SREBF2: variants seen among roughly 807,000 people sequenced by gnomAD.
SREBF2 encodes sterol regulatory element-binding protein 2.
Under a neutral mutation model 113.1 loss-of-function variants are expected in SREBF2, and 55 were observed. The observed-to-expected ratio is 0.49, with a 90% CI of 0.39 to 0.61. The LOEUF (loss-of-function observed/expected upper bound fraction) is 0.61. Ranked by LOEUF, SREBF2 falls within the 20% of genes least tolerant of loss-of-function variation. The pLI, the probability that SREBF2 is intolerant of heterozygous loss-of-function variation, is 0.00. For synonymous variants in SREBF2, 593 were observed against 605.7 expected, an observed-to-expected ratio of 0.98 and a Z score of 0.31; for missense variants, 1,349 against 1,487.4, an observed-to-expected ratio of 0.91 and a Z score of 1.53.
chr22:41,858,351 A>G (rs1197534457), intron 1 of SREBF2, among the ~76,000 whole-genome samples: 1 of 152,232 alleles, frequency 6.6e-6, no homozygotes, highest in African/African-American at 2.4e-5. Context: ...CTTAAGCGTT[A>G]CACAGAAGCC....
chr22:41,835,835 G>C (rs943104884), intron 1 of SREBF2, among the ~76,000 whole-genome samples: 3 of 152,090 alleles, frequency 2.0e-5, no homozygotes, highest in Non-Finnish European at 4.4e-5. Context: ...GTGTTGCCCA[G>C]GCTAGTCTTC....
intron 1 of SREBF2, among the ~76,000 whole-genome samples, chr22:41,846,331 A>T (rs2076876512): frequency 6.6e-6 from 1 of 152,232 alleles, no homozygotes; most frequent in Non-Finnish European, 1.5e-5. Flanking sequence ...CTCCGCCTTC[A>T]TGATCTGTAT....
intron 3 of SREBF2, among the ~76,000 whole-genome samples, chr22:41,869,312 G>A (rs1264869747): frequency 1.3e-5 from 2 of 149,324 alleles, no homozygotes; most frequent in African/African-American, 5.0e-5. Flanking sequence ...GGCCAGGCTG[G>A]CTTGAACTTC....
intron 2 of SREBF2, among the ~76,000 whole-genome samples, chr22:41,867,699 C>G (rs912082101): frequency 6.6e-6 from 1 of 151,886 alleles, no homozygotes; most frequent in Non-Finnish European, 1.5e-5. Context: ...CCCAGCTACT[C>G]GGGAGGCTGA....
chr22:41,861,064 G>A (rs145127037), intron 1 of SREBF2, among the ~76,000 whole-genome samples: 1 of 152,250 alleles, frequency 6.6e-6, no homozygotes, highest in Non-Finnish European at 1.5e-5. Context: ...TTAACCAAAG[G>A]GAACAGGGTG....
intron 10 of SREBF2, 57 bp downstream of exon 10, chr22:41,881,049 C>T: frequency 4.4e-6 from 7 of 1,584,120 alleles, no homozygotes; most frequent in Non-Finnish European, 6.0e-6. Context: ...GCTACCTCTC[C>T]TCCTTAGCTT....
rs371174640 is a variant in SREBF2 at position 41,903,033 on chromosome 22, G to A, written c.2971G>A (p.Ala991Thr). The A allele has an allele frequency of 6.2e-7, 1 of 1,609,590 alleles. No individual in the cohort carries two copies. The highest frequency in any genetic ancestry group is 1.7e-5 in the Admixed American group (1 of 59,690). The change falls in exon 17 of 19, where the codon GCC (alanine) becomes ACC (threonine). Residue 991 changes from alanine to threonine, a missense_variant. Coordinates refer to ENST00000361204, the MANE Select transcript of SREBF2 (RefSeq NM_004599.4). ...SLRTALWQKQ[A>T]SASQAVGETY... is the part of the protein sequence containing the mutation. Reference sequence around the variant, plus strand: ...ACGGACAGCGCTCTGGCAAAAACAGGCCAGTGCCAGCCAGGCTGTGGGGGA... The same window carrying A: ...ACGGACAGCGCTCTGGCAAAAACAGACCAGTGCCAGCCAGGCTGTGGGGGA...
chr22:41,868,785 A>C lies in SREBF2; in HGVS notation c.713A>C (p.Gln238Pro), dbSNP rs144099865. Reference sequence around the variant, plus strand: ...ACAGTTGCTGCGCCACAGGTGCAGCAGGTCCCGGTAAGTGGCTGGAAAGGA... The same window carrying C: ...ACAGTTGCTGCGCCACAGGTGCAGCCGGTCCCGGTAAGTGGCTGGAAAGGA... ...VQTVAAPQVQ[Q>P]VPVLVQPQII... The change falls in exon 3 of 19, where the codon CAG (glutamine) becomes CCG (proline). Residue 238 changes from glutamine to proline, a missense_variant. Physicochemically the swap from Gln to Pro is moderately conservative, Grantham distance 76. Transcript: ENST00000361204. 6.2e-6 allele frequency: 10 copies of C among 1,609,776 alleles called. No individual in the cohort carries two copies. The highest frequency in any genetic ancestry group is 8.5e-6 in the Non-Finnish European group (10 of 1,178,156).
intron 8 of SREBF2, 128 bp downstream of exon 8, chr22:41,877,549 T>A (rs2077208062): frequency 9.1e-7 from 1 of 1,097,936 alleles, no homozygotes; most frequent in East Asian, 2.6e-5. Context: ...CCCCACCTGC[T>A]TGCTTCTGAT....
At chr22:41,879,350 A>G (rs2077225318) in intron 9 of SREBF2, among the ~76,000 whole-genome samples, 2 of 152,248 alleles carry the variant, frequency 1.3e-5, no homozygotes, top group African/African-American at 4.8e-5. Flanking sequence ...TTGCCTGGAA[A>G]AGCTGGAAGA....
At position 41,868,649 on chromosome 22, in the gene SREBF2, C is replaced by G; in HGVS notation, c.577C>G (p.Gln193Glu). The change falls in exon 3 of 19, where the codon CAG becomes GAG. Residue 193 changes from glutamine to glutamate, a missense_variant. By Grantham distance (29) the Gln-to-Glu change is conservative. This residue lies in a region of SREBF2 where 699 missense variants were observed against 843.3 expected (regional missense o/e 0.83). Coordinates refer to ENST00000361204, the MANE Select transcript of SREBF2 (RefSeq NM_004599.4). ...AGTCCAAAGCCTGGTGACATCCTCC[C>G]AGGTACAGCCGGTCACCATTCAGCA... ...PQVQSLVTSSQVQPVTIQQQV... is the reference protein window; with the variant it reads ...PQVQSLVTSSEVQPVTIQQQV... 1 of 1,614,224 alleles carries G rather than the reference C, an allele frequency of 6.2e-7. No homozygotes were observed. The highest frequency in any genetic ancestry group is 8.5e-7 in the Non-Finnish European group (1 of 1,180,040).
At position 41,884,983 on chromosome 22, in the gene SREBF2, G is replaced by C. The variant is rs776891651; in HGVS notation, c.2180G>C (p.Arg727Pro). The C allele has an allele frequency of 8.7e-6, 14 of 1,614,022 alleles. No individual in the cohort carries two copies. Among genetic ancestry groups the C allele is most frequent in the Non-Finnish European group, 7.6e-6 (9 of 1,180,044 alleles). ...ACTGCTGCCATGGGGCTCAAGACCC[G>C]GTGTGGAGGCAAGCTGGGCTTCCTG... The part of the protein sequence containing the change: ...HLTAAMGLKT[R>P]CGGKLGFLAS... The change falls in exon 11 of 19, where the codon CGG (arginine) becomes CCG (proline). Residue 727 changes from arginine to proline, a missense_variant. Physicochemically the swap from Arg to Pro is moderately radical, Grantham distance 103 (BLOSUM62 -2). This residue lies in a region of SREBF2 where 650 missense variants were observed against 644.1 expected (regional missense o/e 1.01). Coordinates refer to ENST00000361204, the MANE Select transcript of SREBF2 (RefSeq NM_004599.4).
At chr22:41,898,574 A>T in intron 14 of SREBF2, 75 bp from the exon 15 acceptor site, 1 of 1,595,426 alleles carries the variant, frequency 6.3e-7, no homozygotes, top group Admixed American at 1.7e-5. Context: ...CTAGGAAGGA[A>T]GTGTAGCAGC....
intron 1 of SREBF2, among the ~76,000 whole-genome samples, chr22:41,850,911 T>G (rs2076922537): frequency 6.6e-6 from 1 of 152,118 alleles, no homozygotes; most frequent in Non-Finnish European, 1.5e-5. Flanking sequence ...CAGCTAATTT[T>G]TGTATTTTTG....
intron 11 of SREBF2, among the ~76,000 whole-genome samples, chr22:41,887,019 G>T (rs1197277257): frequency 6.6e-6 from 1 of 152,130 alleles, no homozygotes; most frequent in Non-Finnish European, 1.5e-5. Flanking sequence ...GGGCAACAGA[G>T]CAAGACTCCA....
Position 41,833,564 on chromosome 22 carries a change from G to A in SREBF2, c.88+206G>A, listed in dbSNP as rs1355048283. ...GCTGCGCCGCTCCGGGAGGCCGTGGGATCTGGGGCGCCGCGGGGCCGAAAG... is the reference window on the plus strand; with the variant it reads ...GCTGCGCCGCTCCGGGAGGCCGTGGAATCTGGGGCGCCGCGGGGCCGAAAG... On this transcript the variant is annotated intron_variant, in intron 1 of 18. Coordinates refer to ENST00000361204, the MANE Select transcript of SREBF2 (RefSeq NM_004599.4). The surrounding 1 kb of genome is among the most constrained non-coding windows in gnomAD (Gnocchi z 4.1). 1.7e-4 allele frequency: 76 copies of A among 447,522 alleles called. No homozygotes were observed. Among genetic ancestry groups the A allele is most frequent in the Non-Finnish European group, 9.3e-5 (24 of 259,262 alleles). The allele number at this position is 447,522 out of a possible 1,614,324, so 27.7% of individuals were successfully genotyped here.
intron 9 of SREBF2, among the ~76,000 whole-genome samples, chr22:41,878,985 TAGG>T (rs1384544791): frequency 6.6e-6 from 1 of 152,060 alleles, no homozygotes; most frequent in Non-Finnish European, 1.5e-5. Context: ...GAAGGATAGG[TAGG>T]AGGGAGATGT....
Position 41,894,867 on chromosome 22 carries a change from G to A in SREBF2, c.2425G>A (p.Glu809Lys), listed in dbSNP as rs1229384900. The A allele has an allele frequency of 1.2e-6, 2 of 1,614,104 alleles. No individual in the cohort carries two copies. The highest frequency in any genetic ancestry group is 1.7e-6 in the Non-Finnish European group (2 of 1,180,028). ...CCAGGCCTTCTGCAAGAACCTGCTG[G>A]AGCGAGCTATAGAGTCCTTGGTGAA... ...VHQAFCKNLL[E>K]RAIESLVKPQ... The change falls in exon 13 of 19, where the codon GAG becomes AAG. Residue 809 changes from glutamate to lysine, a missense_variant. Around this residue, in one of 2 missense-constraint regions of SREBF2, gnomAD observed 650 missense variants for 644.1 expected, o/e 1.01. Coordinates refer to ENST00000361204, the MANE Select transcript of SREBF2 (RefSeq NM_004599.4).
chr22:41,851,180 A>G (rs1235228579), intron 1 of SREBF2, among the ~76,000 whole-genome samples: 1 of 152,152 alleles, frequency 6.6e-6, no homozygotes, highest in Non-Finnish European at 1.5e-5. Context: ...TACCTTCTGT[A>G]CTGGTAATAT....
Sources: gnomAD v4.1 joint callset for allele counts (sites outside exome capture counted in the v4.1 genomes callset) on GRCh38, gnomAD v4.1.1 for gene constraint, gnomAD v4.1.1 regional missense constraint, Gnocchi (gnomAD v3.1) non-coding constraint, MANE v1.5 for transcripts, NCBI Gene and HGNC (gene_info 2026-07-23, HGNC 2026-07-21) for gene names.